Variants in GAS7 observed in about 807,000 individuals in gnomAD.
GAS7 encodes the protein growth arrest specific 7, also known as growth arrest-specific protein 7.
In GAS7, 28 loss-of-function variants were observed where a neutral mutation model predicts 71.1. The observed-to-expected ratio is 0.39, with a 90% CI of 0.29 to 0.54. The LOEUF is 0.54. GAS7 is among the 20% of genes least tolerant of loss of function. The pLI is 0.62. For synonymous variants in GAS7, 258 were observed against 245.8 expected (o/e 1.05, Z -0.46); for missense variants, 436 against 627.8 (o/e 0.69, Z 3.27).
In GAS7 at chr17:9,974,814, A is replaced by C. The variant is rs1427689191; in HGVS notation, c.386-5052T>G. ...GTTATCGAGAAAGGCCAAGCAACAAAGAAGCGCCAGCAGCTCCGCCACCCA... is the reference window on the plus strand; with the variant it reads ...GTTATCGAGAAAGGCCAAGCAACAACGAAGCGCCAGCAGCTCCGCCACCCA... On this transcript the variant is annotated intron_variant, in intron 3 of 13. Transcript: ENST00000432992. The surrounding 1 kb of genome is among the most constrained non-coding windows in gnomAD (Gnocchi z 4.0). Among the ~76,000 whole-genome samples, 1 of 152,134 alleles carries C rather than the reference A, an allele frequency of 6.6e-6. No homozygotes were observed. The highest frequency in any genetic ancestry group is 1.5e-5 in the Non-Finnish European group (1 of 68,032).
intron 3 of GAS7, among the ~76,000 whole-genome samples, chr17:9,970,136 C>A (rs1284466566): frequency 1.3e-5 from 2 of 152,120 alleles, no homozygotes; most frequent in Non-Finnish European, 2.9e-5. Context: ...AGAGTCGGGG[C>A]GGGGGGCTCT....
chr17:10,185,945 C>T lies in GAS7; in HGVS notation c.183+12263G>A, dbSNP rs927414074. ...TTCCACTTCAGACTACTAAATCAGT[C>T]TGCATTTTTTTTTTTTTTTTTTTTT... On this transcript the variant is annotated intron_variant, in intron 1 of 13. Coordinates refer to ENST00000432992, the MANE Select transcript of GAS7 (RefSeq NM_201433.2). Among the ~76,000 whole-genome samples the T allele has an allele frequency of 1.2e-4, 16 of 138,936 alleles. No individual in the cohort carries two copies. The Middle Eastern group carries it at 0.015, about 127-fold the overall frequency. The allele number at this position is 138,936 out of a possible 152,430, so 91.1% of individuals were successfully genotyped here. A position where few individuals can be genotyped will look rare whatever the true frequency, so the allele number is the denominator to read the frequency against.
intron 1 of GAS7, among the ~76,000 whole-genome samples, chr17:10,048,996 G>A (rs1245603983): frequency 6.6e-6 from 1 of 152,154 alleles, no homozygotes. Flanking sequence ...ACCAGGATAC[G>A]AGTTTCTCCT....
intron 1 of GAS7, among the ~76,000 whole-genome samples, chr17:10,030,583 C>T (rs867529133): frequency 4.6e-5 from 7 of 152,288 alleles, no homozygotes; most frequent in Middle Eastern, 3.4e-3. Flanking sequence ...CAAAATTTGT[C>T]GGAGGTATTA....
chr17:10,022,173 C>G (rs755678824), intron 1 of GAS7, among the ~76,000 whole-genome samples: 58 of 152,230 alleles, frequency 3.8e-4, no homozygotes, highest in Middle Eastern at 3.4e-3. Flanking sequence ...GGAAGGATTG[C>G]CTGAGCCTAG....
chr17:10,089,292 G>GA (rs2073555260), intron 1 of GAS7, among the ~76,000 whole-genome samples: 2 of 152,236 alleles, frequency 1.3e-5, no homozygotes, highest in South Asian at 4.1e-4. Flanking sequence ...AAAAGATAAG[G>GA]TCAGGGTGAA....
At chr17:10,112,846 AAAG>A in intron 1 of GAS7, among the ~76,000 whole-genome samples, 1 of 152,118 alleles carries the variant, frequency 6.6e-6, no homozygotes, top group Middle Eastern at 3.4e-3. Flanking sequence ...GAAAGAAAGA[AAAG>A]AAAAGAAAAA....
At chr17:10,036,853 G>GAT (rs2072763354) in intron 1 of GAS7, 1 of 454,356 alleles carries the variant, frequency 2.2e-6, no homozygotes. Flanking sequence ...TCACTGAGCA[G>GAT]ATGCCTCCCA....
intron 1 of GAS7, among the ~76,000 whole-genome samples, chr17:10,192,361 C>T (rs8081941): frequency 0.19 from 29,412 of 152,132 alleles, 3,005 homozygotes; most frequent in Middle Eastern, 0.22. Context: ...ACAGCACAGT[C>T]CCCTGGGCTG....
rs541817091 is a variant in GAS7 at position 9,911,017 on chromosome 17, G to C, written c.*6211C>G. 278 of 233,024 alleles carry C rather than the reference G, an allele frequency of 1.2e-3. No homozygotes were observed. The highest frequency in any genetic ancestry group is 6.3e-3 in the South Asian group (35 of 5,514). The allele number at this position is 233,024 out of a possible 1,614,324, so 14.4% of individuals were successfully genotyped here. ...AGAAAATTCCACTTTCATAGGGTTT[G>C]CCGATGTGCTCGTGTCTGTGAAGGG... On this transcript the variant is annotated 3_prime_UTR_variant, in exon 14 of 14. Transcript: ENST00000432992. The surrounding 1 kb of genome is among the most constrained non-coding windows in gnomAD (Gnocchi z 4.0).
rs1003918957 is a variant in GAS7, at chr17:9,914,072, C to T, written c.*3156G>A. 1 of 228,690 alleles carries T rather than the reference C, an allele frequency of 4.4e-6. No homozygotes were observed. Among genetic ancestry groups the T allele is most frequent in the African/African-American group, 2.2e-5 (1 of 45,030 alleles). 14.2% of individuals were successfully genotyped at this position (228,690 alleles called of 1,614,324 possible). ...TCTCCAAAGTGCAGTCTTTTATTTT[C>T]TCAGTTGCATCCTAACCTTGATTTC... On this transcript the variant is annotated 3_prime_UTR_variant, in exon 14 of 14. Transcript: ENST00000432992.
chr17:9,918,038 G>C lies in GAS7; in HGVS notation c.1280C>G (p.Thr427Arg). Reference sequence around the variant, plus strand: ...CATGTCTGTTTCATGCCGCAGCTGCGTGTACTGGCACAGGTGCTGCCGGAT... The same window carrying C: ...CATGTCTGTTTCATGCCGCAGCTGCCTGTACTGGCACAGGTGCTGCCGGAT... ...EMIRQHLCQY[T>R]QLRHETDMFN... Residue 427 changes from threonine (T) to arginine (R), a missense_variant, in exon 13 of 14, where the codon ACG becomes AGG. Coordinates refer to ENST00000432992, the MANE Select transcript of GAS7 (RefSeq NM_201433.2). 3 of 1,613,708 alleles carry C rather than the reference G, an allele frequency of 1.9e-6. No homozygotes were observed. The highest frequency in any genetic ancestry group is 2.5e-6 in the Non-Finnish European group (3 of 1,179,660).
intron 1 of GAS7, among the ~76,000 whole-genome samples, chr17:10,078,020 G>A (rs1327125167): frequency 6.6e-6 from 1 of 152,058 alleles, no homozygotes; most frequent in African/African-American, 2.4e-5. Context: ...GGTGATAGGT[G>A]ACAGTACATG....
intron 1 of GAS7, among the ~76,000 whole-genome samples, chr17:10,130,187 AAACAAAAAAC>A: frequency 6.6e-6 from 1 of 151,272 alleles, no homozygotes; most frequent in African/African-American, 2.5e-5. Context: ...AAACAAAAAA[AAACAAAAAAC>A]AACAACAAAA....
chr17:9,917,905 C>T, intron 13 of GAS7, 96 bp downstream of exon 13: 1 of 834,550 alleles, frequency 1.2e-6, no homozygotes, highest in Non-Finnish European at 1.9e-6. Context: ...AGGGCAGATT[C>T]ACTTGCAGCA....
At chr17:10,023,052 C>T (rs988855642) in intron 1 of GAS7, among the ~76,000 whole-genome samples, 1 of 152,120 alleles carries the variant, frequency 6.6e-6, no homozygotes, top group African/African-American at 2.4e-5. Flanking sequence ...CGAGGTCTCC[C>T]GCAACGAGGA....
rs146705442 is a variant in GAS7, at chr17:9,996,779, C to T, written c.305-14895G>A. Among the ~76,000 whole-genome samples the T allele has an allele frequency of 3.3e-3, 504 of 152,002 alleles. 3 individuals are homozygous for T. The highest frequency in any genetic ancestry group is 0.011 in the African/African-American group (477 of 41,482). On this transcript the variant is annotated intron_variant, in intron 2 of 13. Transcript: ENST00000432992. Reference sequence around the variant, plus strand: ...TCAGCCTCCTGAGTAGCTGGGATTACAGACATGCGCCACCACACCCAGGTT... The same window carrying T: ...TCAGCCTCCTGAGTAGCTGGGATTATAGACATGCGCCACCACACCCAGGTT...
intron 1 of GAS7, among the ~76,000 whole-genome samples, chr17:10,082,370 T>C (rs1375041166): frequency 6.6e-6 from 1 of 152,220 alleles, no homozygotes; most frequent in Non-Finnish European, 1.5e-5. Flanking sequence ...ATGTTAATAC[T>C]TGTCAAATCC....
At chr17:10,180,763 G>GT (rs1331919425) in intron 1 of GAS7, among the ~76,000 whole-genome samples, 4 of 151,906 alleles carry the variant, frequency 2.6e-5, no homozygotes, top group Non-Finnish European at 4.4e-5. Context: ...TTATTTTATT[G>GT]TAACTCCTTA....
Sources: gnomAD v4.1 joint callset for allele counts (sites outside exome capture counted in the v4.1 genomes callset) on GRCh38, gnomAD v4.1.1 for gene constraint, Gnocchi (gnomAD v3.1) non-coding constraint, MANE v1.5 for transcripts, NCBI Gene and HGNC (gene_info 2026-07-23, HGNC 2026-07-21) for gene names.